The following GRID2 variants were observed in gnomAD, a reference collection of about 807,000 sequenced individuals.
The protein encoded by GRID2 is glutamate receptor ionotropic, delta-2.
In GRID2, 33 loss-of-function variants were observed where a neutral mutation model predicts 114.8. The observed-to-expected ratio is 0.29, with a 90% CI of 0.22 to 0.38. GRID2 has a LOEUF of 0.38. Ranked by LOEUF, GRID2 falls within the 10% of genes least tolerant of loss-of-function variation. GRID2 has a pLI of 1.00. For missense variants in GRID2, 1,184 were observed against 1,257.7 expected (o/e 0.94, Z 0.89); for synonymous variants, 505 against 449.9 (o/e 1.12, Z -1.55).
Position 93,771,359 on chromosome 4 carries a change from G to A in GRID2, c.2602-717G>A, listed in dbSNP as rs1175872005. Among the ~76,000 whole-genome samples, 5 of 152,132 alleles carry A rather than the reference G, an allele frequency of 3.3e-5. No homozygotes were observed. The East Asian group carries it at 9.6e-4, about 29-fold the overall frequency. On this transcript the variant is annotated intron_variant, in intron 15 of 15. Coordinates refer to ENST00000282020, the MANE Select transcript of GRID2 (RefSeq NM_001510.4). ...ACGTCTTTGGTTTTGAGGTCAGTTA[G>A]CATAAAGCTGGCCCTAAACTAAAGC... is the stretch of plus-strand genomic sequence containing the variant.
At chr4:93,155,942 T>C (rs763462036) in intron 4 of GRID2, among the ~76,000 whole-genome samples, 4 of 151,712 alleles carry the variant, frequency 2.6e-5, no homozygotes, top group Non-Finnish European at 5.9e-5. Flanking sequence ...CAATAATTCA[T>C]TGTATATTTA....
At chr4:93,103,418 A>G (rs1237860968) in intron 3 of GRID2, among the ~76,000 whole-genome samples, 3 of 152,076 alleles carry the variant, frequency 2.0e-5, no homozygotes, top group African/African-American at 7.2e-5. Context: ...CCTGAAGGAC[A>G]ATTAAATAGT....
At chr4:92,938,130 A>G (rs1458654251) in intron 2 of GRID2, among the ~76,000 whole-genome samples, 7 of 147,052 alleles carry the variant, frequency 4.8e-5, no homozygotes, top group African/African-American at 7.3e-5. Flanking sequence ...TGTTTTATCA[A>G]TATGGTATAG....
chr4:93,500,706 T>C (rs918115953), intron 12 of GRID2, among the ~76,000 whole-genome samples: 1 of 152,038 alleles, frequency 6.6e-6, no homozygotes, highest in Admixed American at 6.6e-5. Flanking sequence ...CTTGGAAGAA[T>C]GATTCACTCT....
At chr4:92,307,423 C>G (rs1309247398) in intron 1 of GRID2, among the ~76,000 whole-genome samples, 2 of 151,950 alleles carry the variant, frequency 1.3e-5, no homozygotes, top group Non-Finnish European at 2.9e-5. Flanking sequence ...TTCAGGCAAA[C>G]TGGAAAGATG....
intron 8 of GRID2, among the ~76,000 whole-genome samples, chr4:93,373,076 C>T (rs866823887): frequency 6.6e-6 from 1 of 152,120 alleles, no homozygotes; most frequent in African/African-American, 2.4e-5. Flanking sequence ...ATCTCCTAAG[C>T]TGTCAGAGGC....
chr4:92,988,365 C>G (rs1056658194), intron 2 of GRID2, among the ~76,000 whole-genome samples: 4 of 152,144 alleles, frequency 2.6e-5, no homozygotes, highest in African/African-American at 9.7e-5. Context: ...GAATCGCTCT[C>G]TAAGGCAGTT....
rs70940898 is a variant in GRID2 at position 92,487,753 on chromosome 4, T to TTTTG, written c.89-102358_89-102355dup. 4.0e-5 allele frequency among the ~76,000 whole-genome samples: 6 copies of TTTTG among 151,170 alleles called. No homozygotes were observed. In the East Asian group the frequency reaches 5.9e-4, roughly 15 times the overall value. On this transcript the variant is annotated intron_variant, in intron 1 of 15. Coordinates refer to ENST00000282020, the MANE Select transcript of GRID2 (RefSeq NM_001510.4). Reference sequence around the variant, plus strand: ...GTGTGTTTTTAAATTGTTGTGGGTTTTTTGTTTGTTTGTTTGTTTGTTTAT... The same window carrying TTTTG: ...GTGTGTTTTTAAATTGTTGTGGGTTTTTTGTTTGTTTGTTTGTTTGTTTGTTTAT...
At chr4:93,019,928 T>C (rs1037762926) in intron 2 of GRID2, among the ~76,000 whole-genome samples, 2 of 152,158 alleles carry the variant, frequency 1.3e-5, no homozygotes, top group Non-Finnish European at 2.9e-5. Flanking sequence ...TAAAGAATAG[T>C]AAATGATAGC....
chr4:92,524,128 C>T (rs754607780), intron 1 of GRID2, among the ~76,000 whole-genome samples: 22 of 151,890 alleles, frequency 1.4e-4, no homozygotes, highest in Non-Finnish European at 2.2e-4. Flanking sequence ...TTTGATGGAG[C>T]CCTAAGAGTT....
rs77163880 is a variant in GRID2 at position 93,166,491 on chromosome 4, A to G, written c.736-40913A>G. 4.8e-3 allele frequency among the ~76,000 whole-genome samples: 738 copies of G among 152,340 alleles called. 9 individuals carry two copies. The highest frequency in any genetic ancestry group is 0.017 in the African/African-American group (701 of 41,584). ...ACCTTATCTCTGCAATGCTGTCAGC[A>G]TGATGTGCTGGCAAAGAATAATGAA... On this transcript the variant is annotated intron_variant, in intron 4 of 15. Coordinates refer to ENST00000282020, the MANE Select transcript of GRID2 (RefSeq NM_001510.4).
In GRID2 at chr4:93,530,857, G is replaced by A. The variant is rs888008005; in HGVS notation, c.2193+15446G>A. On this transcript the variant is annotated intron_variant, in intron 13 of 15. Coordinates refer to ENST00000282020, the MANE Select transcript of GRID2 (RefSeq NM_001510.4). Reference sequence around the variant, plus strand: ...TATTCATGAATTTAGATCCCAAAATGTCTAAGCCTGATTCCTCATAGTGTT... The same window carrying A: ...TATTCATGAATTTAGATCCCAAAATATCTAAGCCTGATTCCTCATAGTGTT... Among the ~76,000 whole-genome samples, 2 of 152,172 alleles carry A rather than the reference G, an allele frequency of 1.3e-5. 1 individual carries two copies. Among genetic ancestry groups the A allele is most frequent in the East Asian group, 3.9e-4 (2 of 5,180 alleles).
intron 8 of GRID2, among the ~76,000 whole-genome samples, chr4:93,341,443 G>A (rs1759647582): frequency 6.6e-6 from 1 of 151,976 alleles, no homozygotes; most frequent in Non-Finnish European, 1.5e-5. Flanking sequence ...TCAGGCATCA[G>A]CCTTGAGTAG....
At chr4:92,580,527 G>C (rs1728129676) in intron 1 of GRID2, among the ~76,000 whole-genome samples, 1 of 151,788 alleles carries the variant, frequency 6.6e-6, no homozygotes, top group South Asian at 2.1e-4. Context: ...CATTCAGATA[G>C]GTAAAATGAT....
rs1463019751 is a variant in GRID2 at position 93,749,635 on chromosome 4, CT to C, written c.2361-19574del. Among the ~76,000 whole-genome samples, 6 of 152,312 alleles carry C rather than the reference CT, an allele frequency of 3.9e-5. No individual in the cohort carries two copies. In the East Asian group the frequency reaches 1.2e-3, roughly 29 times the overall value. On this transcript the variant is annotated intron_variant, in intron 14 of 15. Transcript: ENST00000282020. ...CTCCTGAAATGCTCATACACCCACT[CT>C]CTACATGTTATAAACATAAAGCCTT...
chr4:93,030,360 A>T (rs1219858394), intron 2 of GRID2, among the ~76,000 whole-genome samples: 1 of 150,216 alleles, frequency 6.7e-6, no homozygotes, highest in Non-Finnish European at 1.5e-5. Context: ...TGAACAGTTG[A>T]GGTTGATGCT....
intron 2 of GRID2, among the ~76,000 whole-genome samples, chr4:92,689,531 G>A (rs777184704): frequency 8.5e-5 from 13 of 152,186 alleles, no homozygotes; most frequent in Admixed American, 3.9e-4. Flanking sequence ...CATCAGCAGC[G>A]TCATTAGATT....
intron 2 of GRID2, among the ~76,000 whole-genome samples, chr4:93,056,935 T>A (rs1727300418): frequency 6.6e-6 from 1 of 152,016 alleles, no homozygotes; most frequent in Non-Finnish European, 1.5e-5. Context: ...GCCACGAGGA[T>A]CATTATAATA....
At chr4:92,901,507 T>C (rs947540124) in intron 2 of GRID2, among the ~76,000 whole-genome samples, 9 of 152,220 alleles carry the variant, frequency 5.9e-5, no homozygotes, top group Non-Finnish European at 1.0e-4. Context: ...GTCATATTTG[T>C]CTAGTTTTGT....
Sources: gnomAD v4.1 joint callset for allele counts (sites outside exome capture counted in the v4.1 genomes callset) on GRCh38, gnomAD v4.1.1 for gene constraint, MANE v1.5 for transcripts, NCBI Gene and HGNC (gene_info 2026-07-23, HGNC 2026-07-21) for gene names.